FIRRM: variants seen among roughly 807,000 people sequenced by gnomAD.
The protein encoded by FIRRM is FIGNL1 interacting regulator of recombination and mitosis.
At chr1:169,808,015 CTATT>C in the FIRRM span, 3 of 1,273,500 alleles carry the variant, frequency 2.4e-6, no homozygotes, top group Non-Finnish European at 3.3e-6. Context: ...CTGGGTCAGT[CTATT>C]TAAGAGGATT....
chr1:169,806,483 A>G, the FIRRM span, among the ~76,000 whole-genome samples: 10,077 of 152,292 alleles, frequency 0.066, 429 homozygotes, highest in Non-Finnish European at 0.099. Flanking sequence ...AGTTGTTCAC[A>G]CTTAATTCCA....
chr1:169,795,662 T>C, the FIRRM span: 4 of 989,770 alleles, frequency 4.0e-6, no homozygotes, highest in South Asian at 4.6e-5. Context: ...GTGGTGAATA[T>C]GAATAAGGGC....
chr1:169,789,999 G>C, the FIRRM span, among the ~76,000 whole-genome samples: 1 of 152,248 alleles, frequency 6.6e-6, no homozygotes, highest in South Asian at 2.1e-4. Context: ...TGGAGAAATT[G>C]AATTTTAACC....
chr1:169,807,909 A>AT, the FIRRM span: 1 of 1,606,782 alleles, frequency 6.2e-7, no homozygotes, highest in South Asian at 1.1e-5. Flanking sequence ...AGCTGAGCAG[A>AT]TGACACAGTC....
the FIRRM span, among the ~76,000 whole-genome samples, chr1:169,834,237 T>C: frequency 6.6e-6 from 1 of 152,122 alleles, no homozygotes; most frequent in African/African-American, 2.4e-5. Flanking sequence ...AAATGAGGGG[T>C]TACTTTTAAT....
the FIRRM span, among the ~76,000 whole-genome samples, chr1:169,811,887 A>AGATG: frequency 6.6e-6 from 1 of 151,816 alleles, no homozygotes; most frequent in Non-Finnish European, 1.5e-5. Flanking sequence ...ATAGATAGAT[A>AGATG]GATAGAGCTT....
At chr1:169,847,313 T>TAAAAAAA in the FIRRM span, among the ~76,000 whole-genome samples, 1 of 86,336 alleles carries the variant, frequency 1.2e-5, no homozygotes, top group Non-Finnish European at 2.2e-5. Flanking sequence ...CTTATATTTC[T>TAAAAAAA]AAAAAAAAAA....
the FIRRM span, chr1:169,830,690 T>G: frequency 2.5e-6 from 4 of 1,613,110 alleles, no homozygotes; most frequent in Non-Finnish European, 3.4e-6. Flanking sequence ...CTCTTTTATA[T>G]TGCAGATATG....
chr1:169,846,145 G>A, the FIRRM span, among the ~76,000 whole-genome samples: 6 of 152,184 alleles, frequency 3.9e-5, no homozygotes, highest in African/African-American at 1.4e-4. Flanking sequence ...CATTGTCAAT[G>A]AGCAGTATAT....
the FIRRM span, among the ~76,000 whole-genome samples, chr1:169,817,704 A>G: frequency 6.6e-6 from 1 of 152,234 alleles, no homozygotes; most frequent in Non-Finnish European, 1.5e-5. Flanking sequence ...ATAAAATGTA[A>G]TCAGTATAAA....
chr1:169,787,634 T>C, the FIRRM span, among the ~76,000 whole-genome samples: 1 of 152,230 alleles, frequency 6.6e-6, no homozygotes, highest in Non-Finnish European at 1.5e-5. Flanking sequence ...ATGGTCCCTA[T>C]ACTATCTCAA....
the FIRRM span, chr1:169,832,571 T>C: frequency 9.0e-7 from 1 of 1,116,130 alleles, no homozygotes; most frequent in Non-Finnish European, 1.3e-6. Flanking sequence ...CAGACTCCTT[T>C]GATAGCCTTT....
chr1:169,853,356 G>T, the FIRRM span: 1 of 314,204 alleles, frequency 3.2e-6, no homozygotes, highest in South Asian at 6.9e-5. Flanking sequence ...TTAAAGAATG[G>T]CACAAAATTA....
the FIRRM span, chr1:169,823,410 ATTTC>A: frequency 5.0e-6 from 8 of 1,599,676 alleles, no homozygotes; most frequent in African/African-American, 9.4e-5. Flanking sequence ...TATTTTAGGA[ATTTC>A]TTCCTTTCCT....
the FIRRM span, among the ~76,000 whole-genome samples, chr1:169,800,448 C>T: frequency 6.6e-6 from 1 of 152,174 alleles, no homozygotes; most frequent in African/African-American, 2.4e-5. Flanking sequence ...GATTACAAAA[C>T]ATCTAATCTG....
At chr1:169,811,193 G>T in the FIRRM span, among the ~76,000 whole-genome samples, 3 of 152,036 alleles carry the variant, frequency 2.0e-5, no homozygotes, top group Admixed American at 2.0e-4. Flanking sequence ...TATAAACAGG[G>T]AAATTTATTT....
At chr1:169,805,964 C>T in the FIRRM span, 8 of 1,220,684 alleles carry the variant, frequency 6.6e-6, no homozygotes, top group Non-Finnish European at 9.6e-6. Flanking sequence ...ACCCCCATGA[C>T]ATTTGGATGT....
chr1:169,810,372 G>A, the FIRRM span, among the ~76,000 whole-genome samples: 10 of 152,110 alleles, frequency 6.6e-5, no homozygotes, highest in Admixed American at 2.6e-4. Context: ...CAAACTAGGT[G>A]GCTTAAAACA....
the FIRRM span, chr1:169,850,965 A>G: frequency 9.4e-6 from 1 of 106,724 alleles, no homozygotes; most frequent in African/African-American, 3.9e-5. Flanking sequence ...TATTTTGGGT[A>G]TAATTTAGGC....
Sources: allele counts gnomAD v4.1 joint callset (sites outside exome capture counted in the v4.1 genomes callset), GRCh38; gene constraint gnomAD v4.1.1; transcripts MANE v1.5; gene names NCBI Gene and HGNC (gene_info 2026-07-23, HGNC 2026-07-21).